The following ZSCAN5A variants were observed in gnomAD, a reference collection of about 807,000 sequenced individuals.
ZSCAN5A encodes the protein zinc finger and SCAN domain-containing protein 5A.
In ZSCAN5A, 12 loss-of-function variants were observed where a neutral mutation model predicts 23.7. The ratio of observed to expected loss-of-function variants is 0.51; its 90% CI spans 0.32 to 0.82. The LOEUF is 0.82. Ranked by LOEUF, ZSCAN5A falls within the 40% of genes least tolerant of loss-of-function variation. ZSCAN5A has a pLI of 0.03. For missense variants in ZSCAN5A, 597 were observed against 617.9 expected, an observed-to-expected ratio of 0.97 and a Z score of 0.36; for synonymous variants, 257 against 239.9, an observed-to-expected ratio of 1.07 and a Z score of -0.66.
At chr19:56,231,328 TTA>T (rs1384604902) in intron 2 of ZSCAN5A, among the ~76,000 whole-genome samples, 2 of 152,234 alleles carry the variant, frequency 1.3e-5, no homozygotes, top group African/African-American at 2.4e-5. Flanking sequence ...TATCAAAACA[TTA>T]TGTTGTACAC....
chr19:56,234,868 C>T (rs2034753226), intron 2 of ZSCAN5A, among the ~76,000 whole-genome samples: 1 of 152,246 alleles, frequency 6.6e-6, no homozygotes, highest in African/African-American at 2.4e-5. Context: ...TAAAGCCCTT[C>T]CTTCTACAAC....
At chr19:56,309,825 G>C (rs982515513) in intron 2 of ZSCAN5A, among the ~76,000 whole-genome samples, 1 of 152,186 alleles carries the variant, frequency 6.6e-6, no homozygotes, top group Admixed American at 6.5e-5. Flanking sequence ...CCACTGGCTG[G>C]TTTCTAGAAG....
Position 56,221,746 on chromosome 19 carries a change from G to A in ZSCAN5A, c.1320C>T (p.Phe440=), listed in dbSNP as rs780974355. The A allele has an allele frequency of 3.8e-5, 61 of 1,614,036 alleles. No individual in the cohort carries two copies. Among genetic ancestry groups the A allele is most frequent in the Middle Eastern group, 1.6e-4 (1 of 6,082 alleles). ...HKRSHTGEKP[F]ECKDCKKVFT... is the part of the protein sequence containing the mutation. ...AAACTTTCTTGCAGTCTTTACATTC[G>A]AAGGGCTTCTCCCCTGTGTGGCTTC... is the stretch of plus-strand genomic sequence containing the variant. The change falls in exon 6 of 6, where the codon TTC becomes TTT. Residue 440 remains phenylalanine, a synonymous_variant. Transcript: ENST00000683990.
chr19:56,337,609 C>G (rs139855602), intron 2 of ZSCAN5A, among the ~76,000 whole-genome samples: 1 of 152,144 alleles, frequency 6.6e-6, no homozygotes, highest in African/African-American at 2.4e-5. Flanking sequence ...ACCCACTGTC[C>G]GGCACTCCCC....
chr19:56,344,909 CAAAA>C (rs1019131536), intron 2 of ZSCAN5A, among the ~76,000 whole-genome samples: 4 of 19,048 alleles, frequency 2.1e-4, no homozygotes, highest in Admixed American at 6.9e-4. Context: ...GACTCCGTCT[CAAAA>C]AAAAAAAAAA....
chr19:56,302,558 TCCCC>T lies in ZSCAN5A; in HGVS notation c.-128+10721_-128+10724del, dbSNP rs1164203036. ...TTCTTCCTCCCCGTTCCTCCCTCCC[TCCCC>T]CCTTCCTTTTCTTCCTCCCCCTTTT... On this transcript the variant is annotated intron_variant, in intron 2 of 5. Coordinates refer to ENST00000683990, the MANE Select transcript of ZSCAN5A (RefSeq NM_001322064.3). Among the ~76,000 whole-genome samples the T allele has an allele frequency of 9.6e-4, 28 of 29,246 alleles. 1 individual carries two copies. Among genetic ancestry groups the T allele is most frequent in the South Asian group, 5.8e-3 (5 of 864 alleles). The allele number at this position is 29,246 out of a possible 152,430, so 19.2% of individuals were successfully genotyped here. A position where few individuals can be genotyped will look rare whatever the true frequency, so the allele number is the denominator to read the frequency against.
intron 2 of ZSCAN5A, among the ~76,000 whole-genome samples, chr19:56,261,956 A>G (rs1167224912): frequency 6.6e-6 from 1 of 152,188 alleles, no homozygotes; most frequent in Non-Finnish European, 1.5e-5. Context: ...AGAAGACACA[A>G]TATTTCCAGT....
intron 2 of ZSCAN5A, among the ~76,000 whole-genome samples, chr19:56,244,667 C>A (rs1344733452): frequency 1.4e-5 from 2 of 145,594 alleles, no homozygotes; most frequent in African/African-American, 2.8e-5. Flanking sequence ...GACAAATAAT[C>A]TTCCAGATTC....
At chr19:56,361,672 A>G (rs2041734138) in intron 2 of ZSCAN5A, among the ~76,000 whole-genome samples, 1 of 152,178 alleles carries the variant, frequency 6.6e-6, no homozygotes, top group Non-Finnish European at 1.5e-5. Context: ...ACATGGAAAC[A>G]GGGAGGGGAA....
chr19:56,222,465 A>G, intron 5 of ZSCAN5A, 126 bp downstream of exon 5: 2 of 1,548,718 alleles, frequency 1.3e-6, no homozygotes, highest in South Asian at 1.3e-5. Flanking sequence ...GTCTCTGGAA[A>G]GTAGAGGATG....
At chr19:56,323,630 G>A (rs1327665323) in intron 2 of ZSCAN5A, among the ~76,000 whole-genome samples, 1 of 149,852 alleles carries the variant, frequency 6.7e-6, no homozygotes, top group Non-Finnish European at 1.5e-5. Context: ...TCCGCCTCCC[G>A]GGTTCAAGCG....
Position 56,222,119 on chromosome 19 carries a change from G to A in ZSCAN5A, c.947C>T (p.Ala316Val). The A allele has an allele frequency of 6.2e-7, 1 of 1,614,120 alleles. No homozygotes were observed. The highest frequency in any genetic ancestry group is 8.5e-7 in the Non-Finnish European group (1 of 1,180,044). ...SISQEEPQGEATPVGNRESPG... is the reference protein window; with the variant it reads ...SISQEEPQGEVTPVGNRESPG... The stretch of plus-strand genomic sequence containing the variant: ...GGATTCTCTGTTGCCCACAGGTGTG[G>A]CTTCTCCTTGAGGCTCTTCTTGGGA... Residue 316 changes from alanine (A) to valine (V), a missense_variant, in exon 6 of 6, where the codon GCC becomes GTC. Around this residue, in one of 5 missense-constraint regions of ZSCAN5A, gnomAD observed 406 missense variants for 353.2 expected, o/e 1.15. Transcript: ENST00000683990.
chr19:56,317,786 C>T (rs2041332890), upstream of ZSCAN5A: 1 of 152,408 alleles, frequency 6.6e-6, no homozygotes, highest in South Asian at 2.1e-4. Context: ...GGGTGTAGCT[C>T]AGAGTCTGGT....
intron 2 of ZSCAN5A, chr19:56,245,252 C>T (rs766563232): frequency 1.5e-6 from 1 of 666,414 alleles, no homozygotes. Context: ...CAAGGAATAT[C>T]TTATGCAGGA....
At position 56,305,977 on chromosome 19, in the gene ZSCAN5A, AG is replaced by A. The variant is rs1425243097; in HGVS notation, c.-128+7305del. Among the ~76,000 whole-genome samples the A allele has an allele frequency of 1.1e-4, 15 of 138,788 alleles. 1 individual carries two copies. In the East Asian group the frequency reaches 1.2e-3, roughly 11 times the overall value. The allele number at this position is 138,788 out of a possible 152,430, so 91.1% of individuals were successfully genotyped here. ...CAGAAAGAAAAATGGGGGCAGGAGA[AG>A]GGGGAGGGAGTGGGAGGGCACTATG... is the stretch of plus-strand genomic sequence containing the variant. On this transcript the variant is annotated intron_variant, in intron 2 of 5. Transcript: ENST00000683990.
intron 2 of ZSCAN5A, among the ~76,000 whole-genome samples, chr19:56,253,983 CTGTT>C (rs1600103458): frequency 6.6e-6 from 1 of 151,878 alleles, no homozygotes; most frequent in East Asian, 1.9e-4. Context: ...GGTTCTGCTT[CTGTT>C]TGACATTAAA....
At chr19:56,238,435 C>A (rs917282445) in intron 2 of ZSCAN5A, among the ~76,000 whole-genome samples, 1 of 152,140 alleles carries the variant, frequency 6.6e-6, no homozygotes, top group Non-Finnish European at 1.5e-5. Flanking sequence ...GGAGAGCAGC[C>A]TGGGCAACAC....
chr19:56,270,079 G>A (rs773872926), intron 2 of ZSCAN5A, among the ~76,000 whole-genome samples: 13 of 151,394 alleles, frequency 8.6e-5, no homozygotes, highest in African/African-American at 1.2e-4. Context: ...GTTTTTTGCC[G>A]TCTCCAGGTC....
chr19:56,299,493 T>A (rs187808270), intron 2 of ZSCAN5A, among the ~76,000 whole-genome samples: 1 of 151,720 alleles, frequency 6.6e-6, no homozygotes, highest in Admixed American at 6.6e-5. Flanking sequence ...AACAGCTTAA[T>A]ATAATAAGGA....
Sources: gnomAD v4.1 joint callset for allele counts (sites outside exome capture counted in the v4.1 genomes callset) on GRCh38, gnomAD v4.1.1 for gene constraint, gnomAD v4.1.1 regional missense constraint, MANE v1.5 for transcripts, NCBI Gene and HGNC (gene_info 2026-07-23, HGNC 2026-07-21) for gene names.